The following EYS variants were observed in gnomAD, a reference collection of about 807,000 sequenced individuals.
EYS encodes protein eyes shut homolog.
EYS carries 250 observed loss-of-function variants against 282.1 expected under a neutral mutation model. The ratio of observed to expected loss-of-function variants is 0.89; its 90% confidence interval spans 0.80 to 0.98. The LOEUF (loss-of-function observed/expected upper bound fraction) is 0.98. Ranked by LOEUF, EYS falls within the 50% of genes least tolerant of loss-of-function variation. EYS has a pLI of 0.00. For synonymous variants in EYS, 1,355 were observed against 1,282.9 expected (o/e 1.06, Z -1.20); for missense variants, 4,016 against 3,709.0 (o/e 1.08, Z -2.15).
At position 64,489,042 on chromosome 6, in the gene EYS, T is replaced by A. The variant is rs538694368; in HGVS notation, c.5645-49690A>T. ...TCATTATGTTATGGTAATGCTTTAGTTGGAGAAGAATGATGAAAAAATGCT... is the reference window on the plus strand; with the variant it reads ...TCATTATGTTATGGTAATGCTTTAGATGGAGAAGAATGATGAAAAAATGCT... On this transcript the variant is annotated intron_variant, in intron 26 of 42. Transcript: ENST00000503581. Among the ~76,000 whole-genome samples, 7 of 151,002 alleles carry A rather than the reference T, an allele frequency of 4.6e-5. No homozygotes were observed. The South Asian group carries it at 1.2e-3, about 27-fold the overall frequency.
At chr6:64,972,452 C>T (rs1041383879) in intron 14 of EYS, among the ~76,000 whole-genome samples, 5 of 152,120 alleles carry the variant, frequency 3.3e-5, no homozygotes, top group South Asian at 4.2e-4. Context: ...TCCACCTCTG[C>T]GACTCCTGAG....
At chr6:63,870,073 G>A (rs140023878) in intron 35 of EYS, among the ~76,000 whole-genome samples, 1 of 152,260 alleles carries the variant, frequency 6.6e-6, no homozygotes, top group African/African-American at 2.4e-5. Flanking sequence ...AACAGAATCT[G>A]TAAATGCAGT....
chr6:64,402,468 A>AT (rs1363832904), intron 28 of EYS, among the ~76,000 whole-genome samples: 1 of 152,160 alleles, frequency 6.6e-6, no homozygotes, highest in Non-Finnish European at 1.5e-5. Context: ...TCCTAAATAA[A>AT]TGTGTTTCTA....
rs376817706 is a variant in EYS, at chr6:65,429,482, G to A, written c.863-24115C>T. Among the ~76,000 whole-genome samples, 3 of 152,222 alleles carry A rather than the reference G, an allele frequency of 2.0e-5. No homozygotes were observed. The East Asian group carries it at 5.8e-4, about 29-fold the overall frequency. On this transcript the variant is annotated intron_variant, in intron 5 of 42. Transcript: ENST00000503581. ...CAGCTTCATTTCTTATAGCCTTATA[G>A]CTAAAGAGAAAGCTAAATACTAATA...
At chr6:64,351,688 A>G (rs376802763) in intron 29 of EYS, among the ~76,000 whole-genome samples, 3 of 151,572 alleles carry the variant, frequency 2.0e-5, no homozygotes, top group Non-Finnish European at 4.4e-5. Context: ...AAATAGGAAG[A>G]AAGTCTATAA....
chr6:65,136,059 T>C (rs768544572), intron 12 of EYS, among the ~76,000 whole-genome samples: 4 of 152,066 alleles, frequency 2.6e-5, no homozygotes, highest in Non-Finnish European at 5.9e-5. Flanking sequence ...CATTCATCAA[T>C]ATCAGAATTA....
At chr6:64,643,866 A>C (rs2149873217) in intron 22 of EYS, among the ~76,000 whole-genome samples, 1 of 152,334 alleles carries the variant, frequency 6.6e-6, no homozygotes, top group African/African-American at 2.4e-5. Context: ...TGGAACTATA[A>C]GTCCATTAAA....
intron 35 of EYS, among the ~76,000 whole-genome samples, chr6:63,961,416 C>A (rs1766053905): frequency 6.6e-6 from 1 of 151,372 alleles, no homozygotes; most frequent in East Asian, 1.9e-4. Context: ...CCCCACTGAG[C>A]ACCTTGTGAC....
chr6:65,634,505 T>C (rs1292556425), intron 2 of EYS, among the ~76,000 whole-genome samples: 1 of 152,172 alleles, frequency 6.6e-6, no homozygotes, highest in Non-Finnish European at 1.5e-5. Flanking sequence ...CTCATGAATA[T>C]ACAGTGTTTA....
At chr6:63,909,602 A>G (rs12207316) in intron 35 of EYS, among the ~76,000 whole-genome samples, 15,969 of 152,284 alleles carry the variant, frequency 0.1, 1,145 homozygotes, top group Non-Finnish European at 0.16. Context: ...TGGTTGGGAT[A>G]TCAAACCAGT....
intron 2 of EYS, among the ~76,000 whole-genome samples, chr6:65,500,322 G>T (rs1167372589): frequency 6.6e-6 from 1 of 152,024 alleles, no homozygotes; most frequent in African/African-American, 2.4e-5. Context: ...ACAAGTGAAA[G>T]AAGGTATCTC....
intron 8 of EYS, among the ~76,000 whole-genome samples, chr6:65,371,145 G>A (rs1224314018): frequency 6.6e-6 from 1 of 151,586 alleles, no homozygotes; most frequent in Non-Finnish European, 1.5e-5. Context: ...AATGATGGTG[G>A]CCTCTGTATG....
intron 1 of EYS, among the ~76,000 whole-genome samples, chr6:65,692,042 T>C (rs1769262333): frequency 6.7e-6 from 1 of 150,170 alleles, no homozygotes; most frequent in African/African-American, 2.4e-5. Flanking sequence ...CAGTGGATTA[T>C]TGGATAAAGA....
chr6:64,663,107 TTGA>T (rs1337425529), intron 22 of EYS, among the ~76,000 whole-genome samples: 1 of 106,738 alleles, frequency 9.4e-6, no homozygotes, highest in African/African-American at 3.5e-5. Context: ...GCTTAGCGAA[TTGA>T]TGATTTTCCT....
chr6:65,094,102 A>G (rs1774654222), intron 12 of EYS, among the ~76,000 whole-genome samples: 1 of 151,658 alleles, frequency 6.6e-6, no homozygotes, highest in African/African-American at 2.4e-5. Context: ...CATAATAAGT[A>G]ATAACTTTCA....
At chr6:64,915,933 T>C (rs529699636) in intron 15 of EYS, among the ~76,000 whole-genome samples, 30 of 152,232 alleles carry the variant, frequency 2.0e-4, no homozygotes, top group African/African-American at 7.0e-4. Context: ...TTTTCTTTTT[T>C]TAAACATGCT....
At chr6:64,373,427 T>A (rs1373710618) in intron 29 of EYS, among the ~76,000 whole-genome samples, 1 of 152,210 alleles carries the variant, frequency 6.6e-6, no homozygotes, top group Non-Finnish European at 1.5e-5. Flanking sequence ...ACAAGCTGTA[T>A]TGTCAGGTTG....
intron 22 of EYS, among the ~76,000 whole-genome samples, chr6:64,757,742 CTTTGTGTGTGTGTGTGTG>C (rs1409081667): frequency 1.6e-5 from 1 of 63,834 alleles, no homozygotes; most frequent in Non-Finnish European, 3.6e-5. Context: ...TTCTTTTTTT[CTTTGTGTGTGTGTGTGTG>C]TGTGTGTGTG....
rs548361920 is a variant in EYS, at chr6:64,302,657, G to T, written c.6191+4313C>A. 6.8e-4 allele frequency among the ~76,000 whole-genome samples: 104 copies of T among 152,158 alleles called. 3 individuals carry two copies. The South Asian group carries it at 0.02, about 29-fold the overall frequency. ...CCCCCAAGGACAGGCCATAGAACGT[G>T]CCCACTCCATCCTTAAAAATATGCT... On this transcript the variant is annotated intron_variant, in intron 30 of 42. Transcript: ENST00000503581.
Sources: allele counts gnomAD v4.1 joint callset (sites outside exome capture counted in the v4.1 genomes callset), GRCh38; gene constraint gnomAD v4.1.1; transcripts MANE v1.5; gene names NCBI Gene and HGNC (gene_info 2026-07-23, HGNC 2026-07-21).